Variants in RIMS2 observed in about 807,000 individuals in gnomAD.
RIMS2 encodes the protein regulating synaptic membrane exocytosis 2.
A neutral mutation model predicts 174.4 loss-of-function variants in RIMS2; 59 were observed. The observed-to-expected ratio is 0.34, with a 90% confidence interval of 0.27 to 0.42. The LOEUF (loss-of-function observed/expected upper bound fraction) is 0.42, where lower values mean the gene tolerates loss of function less well. RIMS2 is among the 10% of genes least tolerant of loss of function. RIMS2 has a pLI of 1.00. For synonymous variants in RIMS2, 606 were observed against 572.5 expected (o/e 1.06, Z -0.84); for missense variants, 1,620 against 1,666.3 (o/e 0.97, Z 0.48).
chr8:103,516,789 G>T (rs1829213637), intron 1 of RIMS2, among the ~76,000 whole-genome samples: 1 of 150,656 alleles, frequency 6.6e-6, no homozygotes, highest in Admixed American at 6.6e-5. Flanking sequence ...GTAATAATTG[G>T]ACTACCTGAG....
At chr8:103,699,810 C>T (rs1049054821) in intron 2 of RIMS2, among the ~76,000 whole-genome samples, 1 of 152,088 alleles carries the variant, frequency 6.6e-6, no homozygotes, top group Non-Finnish European at 1.5e-5. Context: ...AAAATACTTT[C>T]TCATTTTCCT....
intron 19 of RIMS2, among the ~76,000 whole-genome samples, chr8:104,106,037 C>CAAAAAAAAAAAACAAAAAAAAAAAA (rs2098049501): frequency 1.8e-5 from 1 of 56,914 alleles, no homozygotes; most frequent in Non-Finnish European, 3.4e-5. Flanking sequence ...GACTCTGCCA[C>CAAAAAAAAAAAACAAAAAAAAAAAA]AAAAAAAAAA....
At chr8:104,198,755 A>T (rs2099038386) in intron 19 of RIMS2, among the ~76,000 whole-genome samples, 1 of 152,176 alleles carries the variant, frequency 6.6e-6, no homozygotes, top group South Asian at 2.1e-4. Context: ...GGAGTATCCC[A>T]GCCTTTTAGG....
rs189356705 is a variant in RIMS2 at position 103,944,321 on chromosome 8, G to A, written c.2701+1395G>A. Reference sequence around the variant, plus strand: ...ATTAATTTTATTCTTTGTGACCATTGTATCTATTCAGTACTTTCTCTCTGA... The same window carrying A: ...ATTAATTTTATTCTTTGTGACCATTATATCTATTCAGTACTTTCTCTCTGA... On this transcript the variant is annotated intron_variant, in intron 14 of 23. Transcript: ENST00000504942. Among the ~76,000 whole-genome samples, 508 of 152,102 alleles carry A rather than the reference G, an allele frequency of 3.3e-3. 2 individuals carry two copies. Among genetic ancestry groups the A allele is most frequent in the African/African-American group, 0.012 (491 of 41,534 alleles).
In RIMS2 at chr8:103,884,293, T is replaced by G. The variant is rs566407018; in HGVS notation, c.699-1005T>G. ...TTAGTCATCTTTAACTTCAGCTGAC[T>G]TCACTCTTTCATTGTCTCCTGTTCA... is the stretch of plus-strand genomic sequence containing the variant. On this transcript the variant is annotated intron_variant, in intron 3 of 23. Transcript: ENST00000504942. 3.9e-4 allele frequency among the ~76,000 whole-genome samples: 60 copies of G among 152,016 alleles called. 1 individual carries two copies. The highest frequency in any genetic ancestry group is 6.2e-4 in the South Asian group (3 of 4,822).
intron 12 of RIMS2, among the ~76,000 whole-genome samples, chr8:103,934,500 G>A (rs1392038857): frequency 6.6e-6 from 1 of 151,758 alleles, no homozygotes; most frequent in Non-Finnish European, 1.5e-5. Flanking sequence ...TTGGTGCTTG[G>A]GTACATACTA....
chr8:103,877,956 A>G (rs1011855474), intron 3 of RIMS2, among the ~76,000 whole-genome samples: 2 of 151,538 alleles, frequency 1.3e-5, no homozygotes, highest in Non-Finnish European at 2.9e-5. Flanking sequence ...CACCTCTGAT[A>G]TGGTTAGGCT....
intron 3 of RIMS2, among the ~76,000 whole-genome samples, chr8:103,808,673 G>A (rs1367111847): frequency 6.6e-6 from 1 of 152,092 alleles, no homozygotes; most frequent in Non-Finnish European, 1.5e-5. Flanking sequence ...TGGTACTTAA[G>A]AGATAAATCT....
At chr8:103,650,226 G>A (rs1276967580) in intron 1 of RIMS2, among the ~76,000 whole-genome samples, 5 of 152,112 alleles carry the variant, frequency 3.3e-5, no homozygotes, top group South Asian at 2.1e-4. Flanking sequence ...AGTTGCCTTC[G>A]TTTTTCTCCT....
At chr8:103,993,806 C>T (rs2094885437) in intron 17 of RIMS2, among the ~76,000 whole-genome samples, 1 of 152,016 alleles carries the variant, frequency 6.6e-6, no homozygotes, top group Admixed American at 6.6e-5. Context: ...GCAGGCACAT[C>T]ACTTGAGCCC....
chr8:103,942,091 G>A (rs1047957172), intron 13 of RIMS2, among the ~76,000 whole-genome samples: 7 of 151,986 alleles, frequency 4.6e-5, no homozygotes, highest in Non-Finnish European at 8.8e-5. Flanking sequence ...TTTCATTACC[G>A]AGGTATTAAG....
intron 19 of RIMS2, among the ~76,000 whole-genome samples, chr8:104,229,432 T>C (rs1283438754): frequency 6.6e-6 from 1 of 152,142 alleles, no homozygotes; most frequent in Non-Finnish European, 1.5e-5. Flanking sequence ...AGTTTGGAAG[T>C]ATCACTCTTT....
At chr8:103,590,981 G>A (rs1015029538) in intron 1 of RIMS2, among the ~76,000 whole-genome samples, 1 of 150,660 alleles carries the variant, frequency 6.6e-6, no homozygotes, top group African/African-American at 2.4e-5. Flanking sequence ...TTTCCAGAGT[G>A]CTTTTATTTT....
chr8:103,631,836 C>A (rs1460750874), intron 1 of RIMS2, among the ~76,000 whole-genome samples: 3 of 152,108 alleles, frequency 2.0e-5, no homozygotes, highest in Admixed American at 6.5e-5. Context: ...CTTGTAGAGA[C>A]CTTTTACCTT....
intron 2 of RIMS2, among the ~76,000 whole-genome samples, chr8:103,727,015 G>A (rs183354641): frequency 1.3e-5 from 2 of 151,606 alleles, no homozygotes; most frequent in Admixed American, 1.3e-4. Flanking sequence ...GGGATTACAG[G>A]TGTGAGCCAC....
At chr8:103,777,377 C>T (rs1185630777) in intron 3 of RIMS2, among the ~76,000 whole-genome samples, 1 of 151,730 alleles carries the variant, frequency 6.6e-6, no homozygotes, top group Non-Finnish European at 1.5e-5. Context: ...TCTTTTGTGT[C>T]TTTCCAAAAC....
intron 3 of RIMS2, among the ~76,000 whole-genome samples, chr8:103,871,895 C>T (rs1327386821): frequency 1.3e-5 from 2 of 152,036 alleles, no homozygotes; most frequent in African/African-American, 4.8e-5. Context: ...CAAACTGTGA[C>T]TGAGTTATTG....
intron 4 of RIMS2, among the ~76,000 whole-genome samples, chr8:103,904,571 A>G (rs978676733): frequency 9.2e-5 from 14 of 151,976 alleles, no homozygotes; most frequent in African/African-American, 3.1e-4. Flanking sequence ...TTTTCCTTTA[A>G]CTTTTTAATA....
chr8:104,118,850 G>A (rs898054612), intron 19 of RIMS2, among the ~76,000 whole-genome samples: 3 of 152,064 alleles, frequency 2.0e-5, no homozygotes, highest in Non-Finnish European at 4.4e-5. Context: ...GTGTCTTCAC[G>A]TGGCAGAAAT....
Sources: gnomAD v4.1 joint callset for allele counts (sites outside exome capture counted in the v4.1 genomes callset) on GRCh38, gnomAD v4.1.1 for gene constraint, MANE v1.5 for transcripts, NCBI Gene and HGNC (gene_info 2026-07-23, HGNC 2026-07-21) for gene names.